The following SLC14A2 variants were observed in gnomAD, a reference collection of about 807,000 sequenced individuals.
SLC14A2 encodes solute carrier family 14 member 2, also known as urea transporter 2.
A neutral mutation model predicts 104.6 loss-of-function variants in SLC14A2; 91 were observed. The ratio of observed to expected loss-of-function variants is 0.87; its 90% confidence interval spans 0.73 to 1.04. SLC14A2 has a LOEUF of 1.04. Ranked by LOEUF, SLC14A2 falls within the 50% of genes least tolerant of loss-of-function variation. SLC14A2 has a pLI of 0.00. For missense variants in SLC14A2, 1,189 were observed against 1,156.0 expected, an observed-to-expected ratio of 1.03 and a Z score of -0.41; for synonymous variants, 476 against 466.4, an observed-to-expected ratio of 1.02 and a Z score of -0.27.
chr18:45,329,948 C>T (rs971378477), intron 1 of SLC14A2, among the ~76,000 whole-genome samples: 18 of 152,146 alleles, frequency 1.2e-4, no homozygotes, highest in Admixed American at 9.8e-4. Context: ...TCATGGGCAC[C>T]ATTTATTGAG....
chr18:45,452,991 T>C (rs1598840961), intron 1 of SLC14A2, among the ~76,000 whole-genome samples: 2 of 152,288 alleles, frequency 1.3e-5, no homozygotes, highest in Middle Eastern at 6.8e-3. Flanking sequence ...ACCATATACT[T>C]AGTGTTCAAC....
intron 1 of SLC14A2, among the ~76,000 whole-genome samples, chr18:45,254,708 AAG>A (rs1445598475): frequency 6.6e-6 from 1 of 151,862 alleles, no homozygotes; most frequent in East Asian, 1.9e-4. Flanking sequence ...CGGTGAAAAT[AAG>A]AGGTCACCAA....
intron 10 of SLC14A2, among the ~76,000 whole-genome samples, chr18:45,661,811 G>A (rs1378299281): frequency 6.6e-6 from 1 of 152,192 alleles, no homozygotes; most frequent in Admixed American, 6.5e-5. Context: ...TCATCATCCT[G>A]CATGAACCCT....
At chr18:45,574,226 ATG>A (rs1179397259) in intron 2 of SLC14A2, among the ~76,000 whole-genome samples, 1 of 152,168 alleles carries the variant, frequency 6.6e-6, no homozygotes, top group Non-Finnish European at 1.5e-5. Context: ...TTGTGTATGC[ATG>A]TGTGTGTAAT....
chr18:45,299,041 T>C (rs1482478997), intron 1 of SLC14A2, among the ~76,000 whole-genome samples: 1 of 152,220 alleles, frequency 6.6e-6, no homozygotes, highest in Non-Finnish European at 1.5e-5. Context: ...AAAGGTAGTT[T>C]TGTTTTGCAA....
chr18:45,588,771 G>A (rs370384607), intron 2 of SLC14A2, among the ~76,000 whole-genome samples: 25 of 152,264 alleles, frequency 1.6e-4, no homozygotes, highest in African/African-American at 5.5e-4. Context: ...GCCCAGAGGT[G>A]GTTTAGCCTC....
intron 1 of SLC14A2, among the ~76,000 whole-genome samples, chr18:45,294,795 A>G (rs2144175760): frequency 6.6e-6 from 1 of 152,370 alleles, no homozygotes; most frequent in South Asian, 2.1e-4. Context: ...CTACATTTTC[A>G]AGCTCAGTTG....
At chr18:45,379,771 C>T (rs2085813856) in intron 1 of SLC14A2, among the ~76,000 whole-genome samples, 1 of 152,192 alleles carries the variant, frequency 6.6e-6, no homozygotes, top group Non-Finnish European at 1.5e-5. Context: ...CTGAGTCTCC[C>T]GTCCTCTAAT....
the SLC14A2 span, among the ~76,000 whole-genome samples, chr18:45,205,054 T>C: frequency 6.6e-6 from 1 of 152,156 alleles, no homozygotes; most frequent in African/African-American, 2.4e-5. Context: ...TGCCTGGCCA[T>C]GGTATGGAAC....
intron 1 of SLC14A2, among the ~76,000 whole-genome samples, chr18:45,348,459 TGTAAA>T (rs928158026): frequency 6.6e-6 from 1 of 152,144 alleles, no homozygotes; most frequent in African/African-American, 2.4e-5. Context: ...ACTCCTTCAC[TGTAAA>T]GTAAAGATAT....
chr18:45,284,669 T>C (rs1485077201), intron 1 of SLC14A2, among the ~76,000 whole-genome samples: 1 of 152,230 alleles, frequency 6.6e-6, no homozygotes, highest in Non-Finnish European at 1.5e-5. Flanking sequence ...AGATTCCCTC[T>C]GTTTCTTTTT....
chr18:45,235,086 C>G (rs2144030091), intron 1 of SLC14A2, among the ~76,000 whole-genome samples: 1 of 152,218 alleles, frequency 6.6e-6, no homozygotes, highest in Non-Finnish European at 1.5e-5. Context: ...CTTTTCTGAA[C>G]AAACAAGTAA....
rs373812157 is a variant in SLC14A2 at position 45,666,335 on chromosome 18, A to G, written c.1557+116A>G. The G allele has an allele frequency of 8.8e-5, 59 of 671,640 alleles. No homozygotes were observed. The African/African-American group carries it at 9.8e-4, about 11-fold the overall frequency. 41.6% of individuals were successfully genotyped at this position (671,640 alleles called of 1,614,324 possible). A position where few individuals can be genotyped will look rare whatever the true frequency, so the allele number is the denominator to read the frequency against. ...TCCGATTTAGGCAAACTTTTCTTGC[A>G]TTCGTATTTTCTGAAATGTAATTAC... On this transcript the variant is annotated intron_variant, in intron 12 of 19. Transcript: ENST00000255226.
At chr18:45,412,268 A>G (rs931924132) in intron 1 of SLC14A2, among the ~76,000 whole-genome samples, 2 of 152,150 alleles carry the variant, frequency 1.3e-5, no homozygotes, top group Admixed American at 1.3e-4. Flanking sequence ...ACAGTGAACA[A>G]TGTTTTATCC....
intron 1 of SLC14A2, among the ~76,000 whole-genome samples, chr18:45,352,387 T>C (rs2085512077): frequency 1.3e-5 from 2 of 152,200 alleles, no homozygotes; most frequent in South Asian, 4.1e-4. Flanking sequence ...GTTCATGACA[T>C]AGTCATTTAT....
chr18:45,175,670 C>A, the SLC14A2 span, among the ~76,000 whole-genome samples: 1 of 152,138 alleles, frequency 6.6e-6, no homozygotes, highest in East Asian at 1.9e-4. Context: ...AGTCACACCA[C>A]AAGCTGTTCG....
the SLC14A2 span, among the ~76,000 whole-genome samples, chr18:45,183,643 CCTTTTCTTTCTTTTT>C: frequency 1.0e-5 from 1 of 97,048 alleles, no homozygotes. Flanking sequence ...CCTTTCTTTT[CCTTTTCTTTCTTTTT>C]CTTTTTTTCT....
At chr18:45,511,207 T>G (rs2043361343) in intron 2 of SLC14A2, among the ~76,000 whole-genome samples, 1 of 152,232 alleles carries the variant, frequency 6.6e-6, no homozygotes, top group Non-Finnish European at 1.5e-5. Flanking sequence ...CACTTTATTA[T>G]GTATAGCCTT....
At chr18:45,366,289 G>T (rs775039641) in intron 1 of SLC14A2, among the ~76,000 whole-genome samples, 4 of 152,016 alleles carry the variant, frequency 2.6e-5, no homozygotes, top group African/African-American at 7.2e-5. Context: ...TTCACCCAGG[G>T]GCTTCCTTGG....
Sources: allele counts gnomAD v4.1 joint callset (sites outside exome capture counted in the v4.1 genomes callset), GRCh38; gene constraint gnomAD v4.1.1; transcripts MANE v1.5; gene names NCBI Gene and HGNC (gene_info 2026-07-23, HGNC 2026-07-21).